Variants in PLEKHA7 observed in about 807,000 individuals in gnomAD.
PLEKHA7 encodes pleckstrin homology domain containing A7.
In PLEKHA7, 104 loss-of-function variants were observed where a neutral mutation model predicts 170.0. That is an observed-to-expected ratio of 0.61 (90% CI 0.52 to 0.72). PLEKHA7 has a LOEUF of 0.72. PLEKHA7 is among the 30% of genes least tolerant of loss of function. PLEKHA7 has a pLI of 0.00. For missense variants in PLEKHA7, 1,615 were observed against 1,671.7 expected (o/e 0.97, Z 0.59); for synonymous variants, 648 against 660.8 (o/e 0.98, Z 0.30).
At chr11:16,952,097 T>C (rs1861439355) in intron 3 of PLEKHA7, among the ~76,000 whole-genome samples, 1 of 152,144 alleles carries the variant, frequency 6.6e-6, no homozygotes, top group Non-Finnish European at 1.5e-5. Flanking sequence ...CCAAGATCAG[T>C]TCCCCTCTTC....
chr11:16,897,187 A>T (rs917623211), intron 3 of PLEKHA7, among the ~76,000 whole-genome samples: 4 of 152,212 alleles, frequency 2.6e-5, no homozygotes, highest in Non-Finnish European at 5.9e-5. Flanking sequence ...AAAAATAGTT[A>T]GCTAAGGGTA....
At position 16,817,956 on chromosome 11, in the gene PLEKHA7, G is replaced by C. The variant is rs372240713; in HGVS notation, c.1344-634C>G. ...GCCTGGTACTCACAGCTCGCTAGCA[G>C]CTGACCTCAACACCCACCTTGCAGG... On this transcript the variant is annotated intron_variant, in intron 10 of 26. Coordinates refer to ENST00000531066, the MANE Select transcript of PLEKHA7 (RefSeq NM_001329630.2). The surrounding 1 kb of genome is among the most constrained non-coding windows in gnomAD (Gnocchi z 4.4). Among the ~76,000 whole-genome samples, 6 of 152,282 alleles carry C rather than the reference G, an allele frequency of 3.9e-5. No homozygotes were observed. The East Asian group carries it at 5.8e-4, about 15-fold the overall frequency.
chr11:16,906,224 T>A (rs977168457), intron 3 of PLEKHA7, among the ~76,000 whole-genome samples: 4 of 116,216 alleles, frequency 3.4e-5, no homozygotes, highest in South Asian at 6.5e-4. Context: ...TAAAATGAGG[T>A]AGGAAGGAAG....
intron 3 of PLEKHA7, among the ~76,000 whole-genome samples, chr11:16,967,656 T>G (rs1317082281): frequency 6.6e-6 from 1 of 152,148 alleles, no homozygotes; most frequent in Admixed American, 6.5e-5. Context: ...CCATCACCCC[T>G]GCTTTGCCTC....
chr11:16,853,537 C>T (rs1337100726), intron 6 of PLEKHA7, among the ~76,000 whole-genome samples: 2 of 152,198 alleles, frequency 1.3e-5, no homozygotes, highest in Non-Finnish European at 2.9e-5. Context: ...GTTGTGTGTC[C>T]ACAGCACACA....
Position 16,816,881 on chromosome 11 carries a change from T to C in PLEKHA7, c.1785A>G (p.Thr595=), listed in dbSNP as rs1272437542. Residue 595 remains threonine (T), a synonymous_variant, in exon 11 of 27, where the codon ACA becomes ACG. Coordinates refer to ENST00000531066, the MANE Select transcript of PLEKHA7 (RefSeq NM_001329630.2). ...TCCTCCTCTGGTCCGGTGGCTTCACTGTGACTCGCTCTGCTGGTGTGTGTG... is the reference window on the plus strand; with the variant it reads ...TCCTCCTCTGGTCCGGTGGCTTCACCGTGACTCGCTCTGCTGGTGTGTGTG... The part of the protein sequence containing the change: ...RRPHTPAERV[T]VKPPDQRRSV... 3.1e-6 allele frequency: 5 copies of C among 1,614,002 alleles called. No individual in the cohort carries two copies. The Admixed American group carries it at 8.3e-5, about 27-fold the overall frequency.
chr11:16,804,180 T>A (rs955370857), intron 13 of PLEKHA7, among the ~76,000 whole-genome samples: 2 of 152,132 alleles, frequency 1.3e-5, no homozygotes, highest in African/African-American at 2.4e-5. Flanking sequence ...ATGGCCAAGA[T>A]AAGGCCAGGG....
chr11:16,897,639 G>T (rs187910768), intron 3 of PLEKHA7, among the ~76,000 whole-genome samples: 13 of 152,280 alleles, frequency 8.5e-5, no homozygotes, highest in Admixed American at 8.5e-4. Flanking sequence ...AAGCTATCCC[G>T]CTGTGCCACG....
chr11:16,816,838 C>A lies in PLEKHA7; in HGVS notation c.1828G>T (p.Gly610Trp). ...DQRRSVDISL[G>W]DSPRRARGHA... Reference sequence around the variant, plus strand: ...CCCCGTGCCCTCCTTGGAGAATCCCCCAGCGAGATGTCCACACTCCTCCTC... The same window carrying A: ...CCCCGTGCCCTCCTTGGAGAATCCCACAGCGAGATGTCCACACTCCTCCTC... Residue 610 changes from glycine (G) to tryptophan (W), a missense_variant, in exon 11 of 27, where the codon GGG becomes TGG. By Grantham distance (184) the Gly-to-Trp change is radical. Coordinates refer to ENST00000531066, the MANE Select transcript of PLEKHA7 (RefSeq NM_001329630.2). 2 of 1,614,120 alleles carry A rather than the reference C, an allele frequency of 1.2e-6. No homozygotes were observed. The highest frequency in any genetic ancestry group is 1.7e-6 in the Non-Finnish European group (2 of 1,180,028).
chr11:16,887,226 T>G (rs1856180218), intron 3 of PLEKHA7, among the ~76,000 whole-genome samples: 2 of 151,936 alleles, frequency 1.3e-5, no homozygotes, highest in Admixed American at 6.6e-5. Context: ...AATTTTAGAT[T>G]GCTTAAGCCC....
At position 16,871,176 on chromosome 11, in the gene PLEKHA7, G is replaced by A. The variant is rs141480897; in HGVS notation, c.228C>T (p.Asn76=). Residue 76 remains asparagine (N), a synonymous_variant, in exon 4 of 27, where the codon AAC becomes AAT. Coordinates refer to ENST00000531066, the MANE Select transcript of PLEKHA7 (RefSeq NM_001329630.2). ...GATGCCTGAATGCTGTGGTCTGCTGGTTATGGCTAAAGAGAAAGAGAGAAG... is the reference window on the plus strand; with the variant it reads ...GATGCCTGAATGCTGTGGTCTGCTGATTATGGCTAAAGAGAAAGAGAGAAG... The part of the protein sequence containing the change: ...EEGASYFIDH[N]QQTTAFRHPV... The A allele has an allele frequency of 9.8e-5, 157 of 1,605,980 alleles. No homozygotes were observed. Among genetic ancestry groups the A allele is most frequent in the Middle Eastern group, 6.6e-4 (4 of 6,060 alleles).
intron 9 of PLEKHA7, among the ~76,000 whole-genome samples, chr11:16,840,802 A>T (rs1851890734): frequency 6.6e-6 from 1 of 152,192 alleles, no homozygotes; most frequent in African/African-American, 2.4e-5. Context: ...AAAGCTAGGA[A>T]GTACCACGAA....
chr11:16,988,447 C>G (rs1202705889), intron 3 of PLEKHA7, among the ~76,000 whole-genome samples: 1 of 152,106 alleles, frequency 6.6e-6, no homozygotes, highest in Non-Finnish European at 1.5e-5. Flanking sequence ...CTTCTTTCTT[C>G]CTTTCTTCCT....
At chr11:16,821,741 A>C (rs900347059) in intron 10 of PLEKHA7, among the ~76,000 whole-genome samples, 1 of 152,226 alleles carries the variant, frequency 6.6e-6, no homozygotes, top group East Asian at 1.9e-4. Flanking sequence ...ATCTGGGACT[A>C]TAAGAGGCAG....
intron 17 of PLEKHA7, among the ~76,000 whole-genome samples, chr11:16,796,623 A>C (rs1189752268): frequency 6.6e-6 from 1 of 152,116 alleles, no homozygotes; most frequent in Non-Finnish European, 1.5e-5. Context: ...TATACTAAAA[A>C]CCACTGAAAC....
intron 10 of PLEKHA7, among the ~76,000 whole-genome samples, chr11:16,821,199 A>G (rs1201860205): frequency 1.3e-5 from 2 of 152,202 alleles, no homozygotes; most frequent in Admixed American, 6.5e-5. Flanking sequence ...TACTTTACTC[A>G]GCAGATGTTC....
intron 4 of PLEKHA7, among the ~76,000 whole-genome samples, chr11:16,870,617 C>A (rs1265317611): frequency 6.9e-6 from 1 of 144,794 alleles, no homozygotes; most frequent in African/African-American, 2.6e-5. Flanking sequence ...GTGACAAAGC[C>A]TGGGTGACAA....
At chr11:16,837,920 C>T (rs1228867088) in intron 9 of PLEKHA7, among the ~76,000 whole-genome samples, 1 of 151,976 alleles carries the variant, frequency 6.6e-6, no homozygotes, top group Non-Finnish European at 1.5e-5. Context: ...ATCGGTGGTG[C>T]CCCAGTGACA....
chr11:16,991,725 C>T (rs897308642), intron 3 of PLEKHA7, among the ~76,000 whole-genome samples: 7 of 152,150 alleles, frequency 4.6e-5, no homozygotes, highest in Non-Finnish European at 1.0e-4. Flanking sequence ...CTGGAGTCCA[C>T]TTTGTATGTG....
Sources: gnomAD v4.1 joint callset for allele counts (sites outside exome capture counted in the v4.1 genomes callset) on GRCh38, gnomAD v4.1.1 for gene constraint, Gnocchi (gnomAD v3.1) non-coding constraint, MANE v1.5 for transcripts, NCBI Gene and HGNC (gene_info 2026-07-23, HGNC 2026-07-21) for gene names.